The following ABLIM1 variants were observed in gnomAD, a reference collection of about 807,000 sequenced individuals.
ABLIM1 encodes the protein actin binding LIM protein 1, also known as actin-binding LIM protein 1.
A neutral mutation model predicts 107.0 loss-of-function variants in ABLIM1; 40 were observed. The observed-to-expected ratio is 0.37, with a 90% CI of 0.29 to 0.49. The LOEUF (loss-of-function observed/expected upper bound fraction) is 0.49. Among genes scored for constraint, ABLIM1 ranks in the 20% least tolerant of loss-of-function variants. The pLI, the probability that ABLIM1 is intolerant of heterozygous loss-of-function variation, is 0.97. For synonymous variants in ABLIM1, 357 were observed against 357.3 expected (o/e 1.00, Z 0.01); for missense variants, 857 against 1,008.5 (o/e 0.85, Z 2.04).
In ABLIM1 at chr10:114,468,197, G is replaced by A; in HGVS notation, c.1295C>T (p.Pro432Leu). 6.2e-7 allele frequency: 1 copy of A among 1,613,046 alleles called. No homozygotes were observed. The highest frequency in any genetic ancestry group is 8.5e-7 in the Non-Finnish European group (1 of 1,179,006). The change falls in exon 11 of 23, where the codon CCT becomes CTT. Residue 432 changes from proline to leucine, a missense_variant. Pro to Leu is a moderately conservative substitution (Grantham distance 98). Transcript: ENST00000533213. ...GGTACTTACTTCTGCTGATGGAGTAGGAGACAAAGTCCTCGGAGACTAGAA... is the reference window on the plus strand; with the variant it reads ...GGTACTTACTTCTGCTGATGGAGTAAGAGACAAAGTCCTCGGAGACTAGAA... ...SLGESPRTLS[P>L]TPSAEGYQDV...
chr10:114,537,299 T>C (rs1377812732), intron 6 of ABLIM1, among the ~76,000 whole-genome samples: 1 of 152,240 alleles, frequency 6.6e-6, no homozygotes, highest in African/African-American at 2.4e-5. Context: ...GGGGTTCATA[T>C]GAGTATTTTT....
chr10:114,632,760 A>C (rs749010410), intron 1 of ABLIM1: 4 of 985,162 alleles, frequency 4.1e-6, no homozygotes, highest in Non-Finnish European at 4.8e-6. Flanking sequence ...GTTTCATCGG[A>C]GTTTTTAGAC....
At chr10:114,747,401 G>A (rs2082407359) in intron 1 of ABLIM1, among the ~76,000 whole-genome samples, 1 of 152,160 alleles carries the variant, frequency 6.6e-6, no homozygotes, top group Non-Finnish European at 1.5e-5. Context: ...GTGTGTGCCT[G>A]TCTCTCCGCT....
chr10:114,485,283 GAC>G, intron 8 of ABLIM1: 1 of 1,599,056 alleles, frequency 6.3e-7, no homozygotes, highest in Non-Finnish European at 8.5e-7. Flanking sequence ...CCCCAGCCTA[GAC>G]ACAATGCCAA....
intron 6 of ABLIM1, among the ~76,000 whole-genome samples, chr10:114,522,314 C>G (rs541823705): frequency 1.3e-5 from 2 of 152,196 alleles, no homozygotes; most frequent in African/African-American, 4.8e-5. Context: ...CCCCACCCCC[C>G]ACTTATTCCC....
intron 1 of ABLIM1, among the ~76,000 whole-genome samples, chr10:114,669,262 A>T (rs1405734650): frequency 6.6e-6 from 1 of 152,234 alleles, no homozygotes; most frequent in African/African-American, 2.4e-5. Context: ...GTAACACAGC[A>T]TAATGCTATT....
At chr10:114,632,890 C>A in intron 1 of ABLIM1, 2 of 603,824 alleles carry the variant, frequency 3.3e-6, no homozygotes, top group Non-Finnish European at 4.2e-6. Flanking sequence ...AGCAGCAACT[C>A]CTCAGGAGGC....
At position 114,707,914 on chromosome 10, in the gene ABLIM1, CAAACA is replaced by C. The variant is rs201765093; in HGVS notation, c.-213+60142_-213+60146del. Among the ~76,000 whole-genome samples the C allele has an allele frequency of 0.042, 6,390 of 151,604 alleles. 451 individuals are homozygous for C. Among genetic ancestry groups the C allele is most frequent in the African/African-American group, 0.14 (5,972 of 41,232 alleles). On this transcript the variant is annotated intron_variant, in intron 1 of 15. Coordinates refer to the ABLIM1 transcript ENST00000651092. The surrounding 1 kb of genome is among the most constrained non-coding windows in gnomAD (Gnocchi z 4.1). ...AAAACTCCGTCTCAAAACAAACAAA[CAAACA>C]AACAACAACAACAACAAAAAACCTA...
In ABLIM1 at chr10:114,435,447, T is replaced by G. The variant is rs2059280263; in HGVS notation, c.*813A>C. On this transcript the variant is annotated 3_prime_UTR_variant, in exon 23 of 23. Transcript: ENST00000533213. Reference sequence around the variant, plus strand: ...TGGGCCAATCTGGGGGCAATTTGTGTTTTTCCTTTCTTTGCAAAGGTGGAG... The same window carrying G: ...TGGGCCAATCTGGGGGCAATTTGTGGTTTTCCTTTCTTTGCAAAGGTGGAG... 6.6e-6 allele frequency: 1 copy of G among 152,128 alleles called. No homozygotes were observed. The highest frequency in any genetic ancestry group is 1.5e-5 in the Non-Finnish European group (1 of 68,054). 9.4% of individuals were successfully genotyped at this position (152,128 alleles called of 1,614,324 possible). A position where few individuals can be genotyped will look rare whatever the true frequency, so the allele number is the denominator to read the frequency against.
At chr10:114,542,577 C>CGAG (rs1217299942) in intron 6 of ABLIM1, among the ~76,000 whole-genome samples, 2 of 97,650 alleles carry the variant, frequency 2.0e-5, no homozygotes, top group African/African-American at 7.4e-5. Context: ...GGGAGGAGGA[C>CGAG]GAGGAGGAGG....
chr10:114,515,755 A>G (rs1329558816), intron 6 of ABLIM1, among the ~76,000 whole-genome samples: 1 of 152,234 alleles, frequency 6.6e-6, no homozygotes, highest in Non-Finnish European at 1.5e-5. Flanking sequence ...TGATGTCCTT[A>G]TAAGAACAGA....
At chr10:114,661,029 A>C (rs1232782485), upstream of ABLIM1, among the ~76,000 whole-genome samples, 1 of 150,846 alleles carries the variant, frequency 6.6e-6, no homozygotes, top group African/African-American at 2.5e-5. Context: ...TGCACAGAAC[A>C]CTCCTAAATT....
At chr10:114,749,524 C>T (rs1362169332) in intron 1 of ABLIM1, among the ~76,000 whole-genome samples, 1 of 149,996 alleles carries the variant, frequency 6.7e-6, no homozygotes, top group Non-Finnish European at 1.5e-5. Context: ...TATAAATAAA[C>T]AAGCCCAAAG....
At chr10:114,638,874 G>A (rs1010560582) in intron 1 of ABLIM1, among the ~76,000 whole-genome samples, 5 of 152,174 alleles carry the variant, frequency 3.3e-5, no homozygotes, top group South Asian at 2.1e-4. Flanking sequence ...GGCACTCACC[G>A]TTGGCTGCAC....
At chr10:114,567,234 T>C (rs959055426) in intron 4 of ABLIM1, among the ~76,000 whole-genome samples, 7 of 152,194 alleles carry the variant, frequency 4.6e-5, no homozygotes, top group African/African-American at 1.7e-4. Flanking sequence ...GATACCTACA[T>C]CATCAAAGAA....
chr10:114,623,391 G>A (rs2077589617), intron 1 of ABLIM1, among the ~76,000 whole-genome samples: 1 of 152,176 alleles, frequency 6.6e-6, no homozygotes, highest in African/African-American at 2.4e-5. Context: ...GGATCTCACA[G>A]GTCTGCTTCA....
At chr10:114,717,740 C>T (rs1023825588) in intron 1 of ABLIM1, among the ~76,000 whole-genome samples, 2 of 151,936 alleles carry the variant, frequency 1.3e-5, no homozygotes, top group African/African-American at 4.8e-5. Context: ...CATGGCAAAA[C>T]CCTGTCTCTA....
intron 12 of ABLIM1, among the ~76,000 whole-genome samples, chr10:114,461,529 A>C (rs944631408): frequency 6.6e-6 from 1 of 152,100 alleles, no homozygotes; most frequent in Non-Finnish European, 1.5e-5. Flanking sequence ...AATTTAAAAT[A>C]ATCTGTCGGC....
chr10:114,732,826 A>C (rs1372271700), intron 1 of ABLIM1, among the ~76,000 whole-genome samples: 2 of 152,224 alleles, frequency 1.3e-5, no homozygotes, highest in African/African-American at 2.4e-5. Context: ...AATACATGGA[A>C]ATATCTATGA....
Sources: allele counts gnomAD v4.1 joint callset (sites outside exome capture counted in the v4.1 genomes callset), GRCh38; gene constraint gnomAD v4.1.1; non-coding constraint Gnocchi (gnomAD v3.1); transcripts MANE v1.5; gene names NCBI Gene and HGNC (gene_info 2026-07-23, HGNC 2026-07-21).